The following CAVIN1 variants were observed in gnomAD, a reference collection of about 807,000 sequenced individuals.
The protein encoded by CAVIN1 is caveolae associated protein 1, also known as caveolae-associated protein 1.
A neutral mutation model predicts 24.0 loss-of-function variants in CAVIN1; 16 were observed. The observed-to-expected ratio is 0.67, with a 90% CI of 0.45 to 1.01. The LOEUF (loss-of-function observed/expected upper bound fraction) is 1.01. Among genes scored for constraint, CAVIN1 ranks in the 50% least tolerant of loss-of-function variants. The pLI is 0.00. For missense variants in CAVIN1, 510 were observed against 551.7 expected (o/e 0.92, Z 0.76); for synonymous variants, 256 against 256.4 (o/e 1.00, Z 0.02).
chr17:42,405,562 G>A (rs1360520765), intron 1 of CAVIN1, among the ~76,000 whole-genome samples, 174 bp from the exon 2 acceptor site: 1 of 151,994 alleles, frequency 6.6e-6, no homozygotes, highest in African/African-American at 2.4e-5. Context: ...TATTAGCGCT[G>A]TGGGAGACCG....
intron 1 of CAVIN1, among the ~76,000 whole-genome samples, chr17:42,406,518 G>A (rs1049686849): frequency 1.3e-5 from 2 of 152,070 alleles, no homozygotes; most frequent in Non-Finnish European, 2.9e-5. Context: ...GGGACTGCAG[G>A]CATGCGCCAC....
Position 42,422,654 on chromosome 17 carries a change from G to T in CAVIN1, c.444C>A (p.Arg148=). The change falls in exon 1 of 2, where the codon CGC becomes CGA. Residue 148 remains arginine (R), a synonymous_variant. Coordinates refer to ENST00000357037, the MANE Select transcript of CAVIN1 (RefSeq NM_012232.6). The stretch of plus-strand genomic sequence containing the variant: ...GGTAGATCATGACTTTAAAGTTGCG[G>T]CGCCGCAGCAGCTCGGCCTCGTTGA... ...LEVNEAELLR[R]RNFKVMIYQD... is the part of the protein sequence containing the mutation. 1 of 1,593,972 alleles carries T rather than the reference G, an allele frequency of 6.3e-7. No homozygotes were observed. Among genetic ancestry groups the T allele is most frequent in the Non-Finnish European group, 8.5e-7 (1 of 1,170,742 alleles).
chr17:42,420,371 T>G (rs2085538111), intron 1 of CAVIN1, among the ~76,000 whole-genome samples: 1 of 152,216 alleles, frequency 6.6e-6, no homozygotes, highest in East Asian at 1.9e-4. Flanking sequence ...TCTGCTTTCC[T>G]CCAGCAGCCG....
chr17:42,405,662 CTT>C (rs2085440333), intron 1 of CAVIN1, among the ~76,000 whole-genome samples: 1 of 144,838 alleles, frequency 6.9e-6, no homozygotes, highest in South Asian at 2.2e-4. Context: ...CGTCGCCATT[CTT>C]TCTCTCTCTC....
intron 1 of CAVIN1, among the ~76,000 whole-genome samples, chr17:42,413,361 T>G (rs2085491545): frequency 6.8e-6 from 1 of 147,636 alleles, no homozygotes; most frequent in South Asian, 2.1e-4. Flanking sequence ...AGCCCAGGAG[T>G]TCAAGACCAG....
intron 1 of CAVIN1, among the ~76,000 whole-genome samples, chr17:42,413,907 T>C (rs1337612938): frequency 1.3e-5 from 2 of 152,172 alleles, no homozygotes; most frequent in Admixed American, 6.5e-5. Context: ...TGGTTGTTGT[T>C]TTTTTTTAGA....
chr17:42,416,644 T>C (rs1486489712), intron 1 of CAVIN1, among the ~76,000 whole-genome samples: 1 of 140,192 alleles, frequency 7.1e-6, no homozygotes, highest in Admixed American at 7.1e-5. Flanking sequence ...AGGGATAGCA[T>C]GATTTCCTTT....
At chr17:42,417,544 G>T (rs1045735651) in intron 1 of CAVIN1, among the ~76,000 whole-genome samples, 4 of 151,460 alleles carry the variant, frequency 2.6e-5, no homozygotes, top group African/African-American at 9.7e-5. Flanking sequence ...TTAGTGAAAT[G>T]AATTACTCAA....
At chr17:42,418,668 G>A (rs1169637601) in intron 1 of CAVIN1, among the ~76,000 whole-genome samples, 1 of 152,082 alleles carries the variant, frequency 6.6e-6, no homozygotes, top group African/African-American at 2.4e-5. Flanking sequence ...AGCACAATAG[G>A]GTGATAGAGT....
At chr17:42,422,200 C>A in intron 1 of CAVIN1, among the ~76,000 whole-genome samples, 1 of 152,294 alleles carries the variant, frequency 6.6e-6, no homozygotes, top group South Asian at 2.1e-4. Context: ...AGCCAGTGTC[C>A]GCTTACAGCG....
At chr17:42,419,077 G>C (rs2145486213) in intron 1 of CAVIN1, among the ~76,000 whole-genome samples, 1 of 151,974 alleles carries the variant, frequency 6.6e-6, no homozygotes, top group South Asian at 2.1e-4. Context: ...GGCACCTGTA[G>C]TCCTAGCTAC....
intron 1 of CAVIN1, among the ~76,000 whole-genome samples, chr17:42,409,079 A>T (rs2085461781): frequency 6.6e-6 from 1 of 151,858 alleles, no homozygotes; most frequent in Admixed American, 6.6e-5. Flanking sequence ...GGCACGAGCC[A>T]CCGCATCTGG....
chr17:42,412,441 CT>C (rs2085485197), intron 1 of CAVIN1, among the ~76,000 whole-genome samples: 1 of 143,368 alleles, frequency 7.0e-6, no homozygotes, highest in African/African-American at 2.6e-5. Context: ...GTTGCCCAGG[CT>C]GTAGTGCAGT....
rs972733669 is a variant in CAVIN1 at position 42,405,539 on chromosome 17, C to T, written c.472-151G>A. ...CGGGCGCTCAATAAATGTGTGTAGG[C>T]TCACGCCTGTAATATTAGCGCTGTG... On this transcript the variant is annotated intron_variant, in intron 1 of 1. Coordinates refer to ENST00000357037, the MANE Select transcript of CAVIN1 (RefSeq NM_012232.6). The T allele has an allele frequency of 5.0e-6, 4 of 794,752 alleles. No individual in the cohort carries two copies. In the African/African-American group the frequency reaches 6.8e-5, roughly 13 times the overall value. The allele number at this position is 794,752 out of a possible 1,614,324, so 49.2% of individuals were successfully genotyped here. A position where few individuals can be genotyped will look rare whatever the true frequency, so the allele number is the denominator to read the frequency against.
chr17:42,414,867 C>G (rs2085502362), intron 1 of CAVIN1, among the ~76,000 whole-genome samples: 1 of 151,890 alleles, frequency 6.6e-6, no homozygotes, highest in South Asian at 2.1e-4. Flanking sequence ...GAGTCCCTGC[C>G]AGGGCACACC....
chr17:42,411,580 C>A, intron 1 of CAVIN1: 1 of 985,332 alleles, frequency 1.0e-6, no homozygotes, highest in Non-Finnish European at 1.2e-6. Flanking sequence ...CTAAAAGAAA[C>A]TGGAGAAAAT....
chr17:42,422,603 G>A (rs1413659534), intron 1 of CAVIN1, 24 bp downstream of exon 1: 1 of 1,538,236 alleles, frequency 6.5e-7, no homozygotes, highest in Non-Finnish European at 8.8e-7. Flanking sequence ...GGAGCTCTGG[G>A]CGCCTTCCGC....
At chr17:42,420,469 T>C (rs1237634260) in intron 1 of CAVIN1, among the ~76,000 whole-genome samples, 1 of 152,188 alleles carries the variant, frequency 6.6e-6, no homozygotes, top group Non-Finnish European at 1.5e-5. Context: ...TTTCCTTACG[T>C]CTGAAGTCTT....
intron 1 of CAVIN1, among the ~76,000 whole-genome samples, chr17:42,410,434 C>A (rs944938024): frequency 6.6e-6 from 1 of 152,110 alleles, no homozygotes; most frequent in Non-Finnish European, 1.5e-5. Context: ...CCCTTCTGCT[C>A]TAGCGTGCAT....
Sources: gnomAD v4.1 joint callset for allele counts (sites outside exome capture counted in the v4.1 genomes callset) on GRCh38, gnomAD v4.1.1 for gene constraint, MANE v1.5 for transcripts, NCBI Gene and HGNC (gene_info 2026-07-23, HGNC 2026-07-21) for gene names.